TAS2R1: variants seen among roughly 807,000 people sequenced by gnomAD.
TAS2R1 encodes taste 2 receptor member 1.
For missense variants in TAS2R1, 370 were observed against 353.4 expected, an observed-to-expected ratio of 1.05 and a Z score of -0.38; for synonymous variants, 141 against 134.2, an observed-to-expected ratio of 1.05 and a Z score of -0.35.
chr5:9,837,847 G>A, the TAS2R1 span, among the ~76,000 whole-genome samples: 1 of 152,166 alleles, frequency 6.6e-6, no homozygotes, highest in African/African-American at 2.4e-5. Flanking sequence ...GTTGCTATGG[G>A]CCCAGCACTA....
At chr5:9,754,950 A>T in the TAS2R1 span, among the ~76,000 whole-genome samples, 2 of 152,246 alleles carry the variant, frequency 1.3e-5, no homozygotes, top group Non-Finnish European at 2.9e-5. Flanking sequence ...ATCCTAAGCC[A>T]AAAGAACAAA....
At chr5:9,896,424 G>C in the TAS2R1 span, among the ~76,000 whole-genome samples, 1 of 152,110 alleles carries the variant, frequency 6.6e-6, no homozygotes, top group Non-Finnish European at 1.5e-5. Flanking sequence ...AACCTAATTG[G>C]TTTAGGTCAG....
the TAS2R1 span, among the ~76,000 whole-genome samples, chr5:9,884,194 G>A: frequency 3.9e-4 from 59 of 151,888 alleles, no homozygotes; most frequent in African/African-American, 1.4e-3. Flanking sequence ...CCCTTCTTAG[G>A]GCCAGGCGTG....
At chr5:9,710,732 G>T (rs926571048) in intron 1 of TAS2R1, among the ~76,000 whole-genome samples, 5 of 151,548 alleles carry the variant, frequency 3.3e-5, no homozygotes, top group African/African-American at 1.2e-4. Flanking sequence ...GCAATGGATT[G>T]CAATAAATAT....
intron 2 of TAS2R1, among the ~76,000 whole-genome samples, chr5:9,654,051 G>A (rs1452026770): frequency 6.6e-6 from 1 of 152,148 alleles, no homozygotes; most frequent in East Asian, 1.9e-4. Context: ...TGCCATGAGA[G>A]TGTCACAGCC....
chr5:9,873,789 A>T, the TAS2R1 span, among the ~76,000 whole-genome samples: 1 of 151,580 alleles, frequency 6.6e-6, no homozygotes, highest in African/African-American at 2.4e-5. Flanking sequence ...GAATTGCTTG[A>T]ACCCTGGAGG....
intron 1 of TAS2R1, among the ~76,000 whole-genome samples, chr5:9,675,124 C>A (rs981738274): frequency 1.1e-4 from 16 of 143,960 alleles, no homozygotes; most frequent in African/African-American, 2.3e-4. Context: ...ATATATATAT[C>A]TAATATATAT....
At chr5:9,803,239 G>A in the TAS2R1 span, among the ~76,000 whole-genome samples, 3 of 152,140 alleles carry the variant, frequency 2.0e-5, no homozygotes, top group African/African-American at 4.8e-5. Context: ...AGAAGTTTGG[G>A]ACTATGTTAA....
At chr5:9,854,038 T>G in the TAS2R1 span, among the ~76,000 whole-genome samples, 1 of 152,238 alleles carries the variant, frequency 6.6e-6, no homozygotes, top group Non-Finnish European at 1.5e-5. Context: ...CAACAGTGAC[T>G]TATTGTCACA....
the TAS2R1 span, among the ~76,000 whole-genome samples, chr5:9,859,069 C>T: frequency 4.6e-5 from 7 of 152,136 alleles, no homozygotes; most frequent in East Asian, 1.9e-4. Flanking sequence ...TTCCCTTAAA[C>T]GATTTTCACT....
At chr5:9,812,183 G>T in the TAS2R1 span, among the ~76,000 whole-genome samples, 16 of 152,100 alleles carry the variant, frequency 1.1e-4, no homozygotes, top group South Asian at 2.1e-3. Context: ...TTTCATGAGG[G>T]CAAAGACTAT....
chr5:9,746,148 A>C, the TAS2R1 span, among the ~76,000 whole-genome samples: 2 of 152,258 alleles, frequency 1.3e-5, no homozygotes, highest in Non-Finnish European at 1.5e-5. Flanking sequence ...GTATGTGGCC[A>C]ACAAACATAT....
the TAS2R1 span, among the ~76,000 whole-genome samples, chr5:9,730,534 G>A: frequency 3.8e-3 from 580 of 152,284 alleles, 3 homozygotes; most frequent in African/African-American, 0.013. Flanking sequence ...CTGGGGCATC[G>A]CATGTCCCAG....
the TAS2R1 span, chr5:9,760,906 C>T: frequency 4.6e-5 from 7 of 152,278 alleles, no homozygotes; most frequent in South Asian, 4.1e-4. Context: ...AAACCCTCTT[C>T]GTCCACCGCC....
the TAS2R1 span, among the ~76,000 whole-genome samples, chr5:9,895,996 T>TACG: frequency 6.6e-6 from 1 of 152,042 alleles, no homozygotes; most frequent in East Asian, 1.9e-4. Flanking sequence ...CCTCTAAAAT[T>TACG]TCTATGATGA....
chr5:9,637,216 G>A (rs959683450), intron 2 of TAS2R1, among the ~76,000 whole-genome samples: 1 of 152,054 alleles, frequency 6.6e-6, no homozygotes, highest in Admixed American at 6.6e-5. Context: ...AAAATTCCTG[G>A]CTGACAATTA....
chr5:9,859,789 C>T, the TAS2R1 span, among the ~76,000 whole-genome samples: 1 of 152,114 alleles, frequency 6.6e-6, no homozygotes, highest in Non-Finnish European at 1.5e-5. Flanking sequence ...GGAAGACAGC[C>T]CCTGAGACCC....
chr5:9,762,876 A>G, the TAS2R1 span, among the ~76,000 whole-genome samples: 1 of 152,208 alleles, frequency 6.6e-6, no homozygotes, highest in Non-Finnish European at 1.5e-5. Context: ...TTGGAAACAG[A>G]AAGAATTCTC....
At chr5:9,874,015 G>A in the TAS2R1 span, among the ~76,000 whole-genome samples, 1 of 150,198 alleles carries the variant, frequency 6.7e-6, no homozygotes, top group African/African-American at 2.4e-5. Flanking sequence ...AGGAAGGAAG[G>A]GAGGGAGGGA....
Sources: allele counts gnomAD v4.1 joint callset (sites outside exome capture counted in the v4.1 genomes callset), GRCh38; gene constraint gnomAD v4.1.1; transcripts MANE v1.5; gene names NCBI Gene and HGNC (gene_info 2026-07-23, HGNC 2026-07-21).